DUS2: variants seen among roughly 807,000 people sequenced by gnomAD.
DUS2 encodes dihydrouridine synthase 2.
A neutral mutation model predicts 71.3 loss-of-function variants in DUS2; 52 were observed. The ratio of observed to expected loss-of-function variants is 0.73; its 90% CI spans 0.58 to 0.92. The LOEUF (loss-of-function observed/expected upper bound fraction) is 0.92. DUS2 is among the 40% of genes least tolerant of loss of function. The probability of loss-of-function intolerance (pLI) is 0.00; values close to 1 mark genes in which losing one functional copy is unlikely to be tolerated. For synonymous variants in DUS2, 204 were observed against 227.8 expected (o/e 0.90, Z 0.94); for missense variants, 558 against 622.6 (o/e 0.90, Z 1.10).
intron 2 of DUS2, among the ~76,000 whole-genome samples, chr16:68,033,618 G>A (rs950868509): frequency 3.4e-5 from 5 of 148,340 alleles, no homozygotes; most frequent in African/African-American, 1.2e-4. Context: ...CCAAGTAGCT[G>A]AGACTACAGG....
At chr16:68,037,181 T>C (rs1045425512) in intron 2 of DUS2, among the ~76,000 whole-genome samples, 2 of 151,684 alleles carry the variant, frequency 1.3e-5, no homozygotes, top group Admixed American at 6.6e-5. Context: ...TTTTTTTTTT[T>C]CTCTAATGTA....
chr16:68,055,935 T>C lies in DUS2; in HGVS notation c.309-429T>C, dbSNP rs113591888. 3.3e-3 allele frequency among the ~76,000 whole-genome samples: 504 copies of C among 152,038 alleles called. 4 individuals are homozygous for C. The highest frequency in any genetic ancestry group is 0.011 in the African/African-American group (472 of 41,498). ...TCTAAGAATTGTTTGGATTAAACCA[T>C]CTGTGCAGCCCAGCCAACAAAGGCA... On this transcript the variant is annotated intron_variant, in intron 6 of 16. Transcript: ENST00000565263.
In DUS2 at chr16:68,070,999, C is replaced by T. The variant is rs1478089123; in HGVS notation, c.701C>T (p.Thr234Met). Residue 234 changes from threonine (T) to methionine (M), a missense_variant, in exon 12 of 17, where the codon ACG becomes ATG. Transcript: ENST00000565263. ...YSDIEDFRQA[T>M]AASSVMVARA... The stretch of plus-strand genomic sequence containing the variant: ...GACATAGAGGACTTTCGACAAGCCA[C>T]GGCAGCCTCTTCCGTGATGGTGGCC... 8.7e-6 allele frequency: 14 copies of T among 1,614,106 alleles called. No homozygotes were observed. The highest frequency in any genetic ancestry group is 4.5e-5 in the East Asian group (2 of 44,898).
chr16:68,053,469 A>G (rs2033808711), intron 4 of DUS2, 95 bp from the exon 5 acceptor site: 12 of 1,162,654 alleles, frequency 1.0e-5, no homozygotes, highest in Non-Finnish European at 1.5e-5. Flanking sequence ...TTCCCCTTGA[A>G]GCTTATACTC....
chr16:68,069,092 G>T (rs2034049144), intron 10 of DUS2, among the ~76,000 whole-genome samples: 1 of 152,056 alleles, frequency 6.6e-6, no homozygotes, highest in Non-Finnish European at 1.5e-5. Flanking sequence ...TTTTGTTGAA[G>T]AGTATAGTAG....
intron 14 of DUS2, 150 bp from the exon 15 acceptor site, chr16:68,076,482 A>G: frequency 1.8e-6 from 1 of 553,602 alleles, no homozygotes; most frequent in Non-Finnish European, 3.3e-6. Context: ...ATGGGAGCCT[A>G]GGGGAGCAAG....
intron 10 of DUS2, among the ~76,000 whole-genome samples, chr16:68,067,374 C>T (rs949676004): frequency 1.0e-4 from 14 of 138,422 alleles, no homozygotes; most frequent in African/African-American, 3.9e-4. Flanking sequence ...CTCCATCTCC[C>T]GGGTTCAAGT....
At chr16:68,065,966 G>T (rs1397332176) in intron 8 of DUS2, among the ~76,000 whole-genome samples, 1 of 152,154 alleles carries the variant, frequency 6.6e-6, no homozygotes, top group Non-Finnish European at 1.5e-5. Context: ...TCAAGAGTGT[G>T]TATTTCTTCA....
rs1309574374 is a variant in DUS2, at chr16:68,053,632, C to T, written c.241C>T (p.Gln81Ter). ...TGTCTTCCGCACCTGTGAAAGAGAG[C>T]AGAACAGGGTGGTCTTCCAGATGGT... ...RVVFRTCERE[Q>*]NRVVFQMGTS... is the part of the protein sequence containing the mutation. Residue 81 changes from glutamine to a stop codon, truncating the protein, a stop_gained, in exon 5 of 17, where the codon CAG becomes TAG. Coordinates refer to ENST00000565263, the MANE Select transcript of DUS2 (RefSeq NM_017803.5). LOFTEE classifies it high-confidence loss of function. 6.2e-7 allele frequency: 1 copy of T among 1,614,200 alleles called. No homozygotes were observed. The highest frequency in any genetic ancestry group is 1.1e-5 in the South Asian group (1 of 91,088).
intron 10 of DUS2, 141 bp downstream of exon 10, chr16:68,066,777 T>A: frequency 2.4e-6 from 2 of 833,468 alleles, no homozygotes; most frequent in Non-Finnish European, 3.9e-6. Context: ...CTTTGATATC[T>A]TATGAGTCTG....
intron 8 of DUS2, 44 bp from the exon 9 acceptor site, chr16:68,066,273 T>C: frequency 6.3e-7 from 1 of 1,582,478 alleles, no homozygotes; most frequent in Non-Finnish European, 8.7e-7. Context: ...GAGTGATGGT[T>C]TGTTCCAGAA....
chr16:68,033,797 A>C (rs2033476988), intron 2 of DUS2, among the ~76,000 whole-genome samples: 1 of 151,714 alleles, frequency 6.6e-6, no homozygotes, highest in African/African-American at 2.4e-5. Flanking sequence ...ACGTCTGGCT[A>C]ATTTTTGTAT....
At chr16:68,049,480 C>T (rs771799171) in intron 3 of DUS2, 25 bp from the exon 4 acceptor site, 4 of 1,613,718 alleles carry the variant, frequency 2.5e-6, no homozygotes, top group Admixed American at 1.7e-5. Flanking sequence ...TCAGGAATGA[C>T]AAGCGTCCTC....
At chr16:68,039,830 C>T (rs1476419976) in intron 3 of DUS2, among the ~76,000 whole-genome samples, 1 of 152,018 alleles carries the variant, frequency 6.6e-6, no homozygotes, top group Non-Finnish European at 1.5e-5. Flanking sequence ...CATGAACACT[C>T]ACGGAGTTAA....
chr16:68,047,049 CTTTT>C (rs1305624703), intron 3 of DUS2, among the ~76,000 whole-genome samples: 1 of 72,168 alleles, frequency 1.4e-5, no homozygotes, highest in Non-Finnish European at 2.5e-5. Flanking sequence ...CATGCCCGGC[CTTTT>C]TTTTTTTTTT....
intron 2 of DUS2, among the ~76,000 whole-genome samples, chr16:68,036,379 T>A (rs1201228719): frequency 1.3e-5 from 2 of 152,152 alleles, no homozygotes; most frequent in African/African-American, 4.8e-5. Flanking sequence ...CAGGCTGGTC[T>A]TGAACTCCTG....
At chr16:68,023,882 C>G (rs555258376) in intron 1 of DUS2, 2 of 167,284 alleles carry the variant, frequency 1.2e-5, no homozygotes, top group Non-Finnish European at 1.5e-5. Context: ...GTCACGCGTC[C>G]CAACTTCTCA....
At chr16:68,035,131 A>G (rs934948863) in intron 2 of DUS2, among the ~76,000 whole-genome samples, 2 of 152,064 alleles carry the variant, frequency 1.3e-5, no homozygotes, top group Non-Finnish European at 2.9e-5. Flanking sequence ...CAACACCTTC[A>G]CTACCAGCTC....
intron 12 of DUS2, 96 bp from the exon 13 acceptor site, chr16:68,073,938 C>T: frequency 6.6e-7 from 1 of 1,514,312 alleles, no homozygotes; most frequent in Non-Finnish European, 9.0e-7. Context: ...ACACATACAT[C>T]TCTGGTGCCT....
Sources: allele counts gnomAD v4.1 joint callset (sites outside exome capture counted in the v4.1 genomes callset), GRCh38; gene constraint gnomAD v4.1.1; transcripts MANE v1.5; gene names NCBI Gene and HGNC (gene_info 2026-07-23, HGNC 2026-07-21).